EML1: variants seen among roughly 807,000 people sequenced by gnomAD.
EML1 encodes the protein echinoderm microtubule-associated protein-like 1.
A neutral mutation model predicts 110.4 loss-of-function variants in EML1; 27 were observed. The ratio of observed to expected loss-of-function variants is 0.24; its 90% CI spans 0.18 to 0.34. The LOEUF is 0.34. EML1 is among the 10% of genes least tolerant of loss of function. The pLI is 1.00. For missense variants in EML1, 741 were observed against 1,030.9 expected (o/e 0.72, Z 3.85); for synonymous variants, 344 against 385.8 (o/e 0.89, Z 1.27).
At chr14:99,865,478 G>T in intron 2 of EML1, 36 bp from the exon 3 acceptor site, 1 of 1,611,986 alleles carries the variant, frequency 6.2e-7, no homozygotes, top group Non-Finnish European at 8.5e-7. Flanking sequence ...TTTGCAAAGG[G>T]GAACTTTCTG....
At chr14:99,743,363 C>A (rs1021643384) in intron 1 of EML1, among the ~76,000 whole-genome samples, 5 of 152,162 alleles carry the variant, frequency 3.3e-5, no homozygotes, top group Admixed American at 2.6e-4. Context: ...CTTGGAGCAC[C>A]CATGCCCTGC....
exon 1 of EML1, chr14:99,737,814 G>A: frequency 7.8e-7 from 1 of 1,289,238 alleles, no homozygotes; most frequent in Non-Finnish European, 1.0e-6. Flanking sequence ...TGGCCAGCCG[G>A]CCGCCCATCT....
rs1180108483 is a variant in EML1, at chr14:99,933,300, C to T, written c.1910-2729C>T. ...AAGTGATTCTCCAGCCTTACCCTCC[C>T]GAGTAGCTGGGGCTACAGGTGTGTG... On this transcript the variant is annotated intron_variant, in intron 17 of 21. Coordinates refer to ENST00000262233, the MANE Select transcript of EML1 (RefSeq NM_004434.3). Among the ~76,000 whole-genome samples the T allele has an allele frequency of 3.9e-5, 6 of 152,132 alleles. No homozygotes were observed. The East Asian group carries it at 1.2e-3, about 29-fold the overall frequency.
intron 16 of EML1, among the ~76,000 whole-genome samples, chr14:99,920,511 C>T (rs142082905): frequency 1.3e-5 from 2 of 152,310 alleles, no homozygotes; most frequent in Non-Finnish European, 2.9e-5. Flanking sequence ...GCTTTCTCTC[C>T]ATGTGTAAAT....
intron 3 of EML1, among the ~76,000 whole-genome samples, chr14:99,876,094 G>A (rs149272020): frequency 3.7e-4 from 57 of 152,222 alleles, no homozygotes; most frequent in African/African-American, 1.3e-3. Context: ...TGCAAAGGAA[G>A]GAAGAGTGAA....
intron 19 of EML1, among the ~76,000 whole-genome samples, chr14:99,937,242 A>G (rs1269323228): frequency 6.6e-6 from 1 of 151,928 alleles, no homozygotes; most frequent in Non-Finnish European, 1.5e-5. Context: ...GCACCGTCTC[A>G]CCTCCTCCCT....
intron 1 of EML1, 138 bp from the exon 2 acceptor site, chr14:99,850,715 C>A: frequency 1.2e-6 from 1 of 837,456 alleles, no homozygotes; most frequent in Non-Finnish European, 1.9e-6. Flanking sequence ...GTGATTTCTG[C>A]TTAAGAGCAG....
intron 1 of EML1, among the ~76,000 whole-genome samples, chr14:99,805,566 C>A (rs1408780217): frequency 6.6e-6 from 1 of 152,270 alleles, no homozygotes; most frequent in South Asian, 2.1e-4. Flanking sequence ...CCTCGACCTC[C>A]CCAGCCCAAG....
At chr14:99,861,907 G>A (rs2059009194) in intron 2 of EML1, among the ~76,000 whole-genome samples, 1 of 152,184 alleles carries the variant, frequency 6.6e-6, no homozygotes, top group Non-Finnish European at 1.5e-5. Flanking sequence ...TCTTACATTA[G>A]TATGGTACAT....
At chr14:99,791,833 G>A (rs1365791705), upstream of EML1, among the ~76,000 whole-genome samples, 1 of 152,134 alleles carries the variant, frequency 6.6e-6, no homozygotes, top group Non-Finnish European at 1.5e-5. Flanking sequence ...GCAGCTCTTG[G>A]GGCCTCTCTT....
intron 1 of EML1, among the ~76,000 whole-genome samples, chr14:99,750,784 T>C (rs2057166463): frequency 6.6e-6 from 1 of 152,016 alleles, no homozygotes; most frequent in South Asian, 2.1e-4. Context: ...TTGTTCATAG[T>C]CACCTCCACC....
chr14:99,836,206 T>TTCATTA (rs1555394385), intron 1 of EML1, among the ~76,000 whole-genome samples: 3 of 151,630 alleles, frequency 2.0e-5, no homozygotes, highest in African/African-American at 7.3e-5. Context: ...TTTAATTTCT[T>TTCATTA]TTATTATGTT....
intron 17 of EML1, among the ~76,000 whole-genome samples, chr14:99,933,586 A>G (rs958796971): frequency 6.6e-6 from 1 of 152,244 alleles, no homozygotes; most frequent in African/African-American, 2.4e-5. Context: ...TCGGAGGGGC[A>G]GTGCCCCTGG....
At chr14:99,875,374 T>C (rs1168344671) in intron 3 of EML1, among the ~76,000 whole-genome samples, 1 of 152,144 alleles carries the variant, frequency 6.6e-6, no homozygotes. Context: ...AGTAATACAG[T>C]ATATGTAAAA....
intron 1 of EML1, among the ~76,000 whole-genome samples, chr14:99,836,887 C>T (rs1344418888): frequency 6.6e-6 from 1 of 152,006 alleles, no homozygotes; most frequent in Non-Finnish European, 1.5e-5. Context: ...TCTGAGTCCT[C>T]TCCTTCCATG....
At chr14:99,813,083 A>G (rs2058108198) in intron 1 of EML1, among the ~76,000 whole-genome samples, 1 of 152,154 alleles carries the variant, frequency 6.6e-6, no homozygotes, top group African/African-American at 2.4e-5. Context: ...AACCGTAGTT[A>G]GCCGTCTTTC....
chr14:99,924,077 T>G (rs2060189318), intron 17 of EML1, among the ~76,000 whole-genome samples: 1 of 152,232 alleles, frequency 6.6e-6, no homozygotes, highest in Non-Finnish European at 1.5e-5. Context: ...GAGCAAAGAC[T>G]GTCTCTCCAT....
intron 1 of EML1, among the ~76,000 whole-genome samples, chr14:99,749,771 C>A (rs569422154): frequency 1.3e-5 from 2 of 152,128 alleles, no homozygotes; most frequent in African/African-American, 4.8e-5. Context: ...TGCTGTTCTG[C>A]GGCAGGCCGA....
At chr14:99,751,176 C>T (rs958392142) in intron 1 of EML1, among the ~76,000 whole-genome samples, 4 of 152,132 alleles carry the variant, frequency 2.6e-5, no homozygotes, top group Non-Finnish European at 5.9e-5. Flanking sequence ...CTGCCCCTCA[C>T]CTGCCTCCAG....
Sources: allele counts gnomAD v4.1 joint callset (sites outside exome capture counted in the v4.1 genomes callset), GRCh38; gene constraint gnomAD v4.1.1; transcripts MANE v1.5; gene names NCBI Gene and HGNC (gene_info 2026-07-23, HGNC 2026-07-21).